The following PPP1R37 variants were observed in gnomAD, a reference collection of about 807,000 sequenced individuals.
The protein encoded by PPP1R37 is leucine rich repeat containing 68.
In PPP1R37, 21 loss-of-function variants were observed where a neutral mutation model predicts 61.0. That is an observed-to-expected ratio of 0.34 (90% confidence interval 0.24 to 0.50). PPP1R37 has a LOEUF of 0.50. Among genes scored for constraint, PPP1R37 ranks in the 20% least tolerant of loss-of-function variants. The pLI is 0.98. For missense variants in PPP1R37, 910 were observed against 952.7 expected (o/e 0.96, Z 0.59); for synonymous variants, 443 against 433.5 (o/e 1.02, Z -0.27).
chr19:45,096,541 TTTTG>T (rs960185446), intron 1 of PPP1R37, among the ~76,000 whole-genome samples: 13 of 152,282 alleles, frequency 8.5e-5, no homozygotes, highest in South Asian at 2.1e-4. Context: ...CAGATTTGTT[TTTTG>T]TTTGTTTGTT....
chr19:45,139,343 C>T (rs1028180312), intron 2 of PPP1R37, among the ~76,000 whole-genome samples: 2 of 152,386 alleles, frequency 1.3e-5, no homozygotes, highest in Non-Finnish European at 1.5e-5. Flanking sequence ...CTCGGGAACC[C>T]CCGTTGTTGG....
Position 45,144,834 on chromosome 19 carries a change from C to G in PPP1R37, c.988-20C>G. 1 of 1,520,242 alleles carries G rather than the reference C, an allele frequency of 6.6e-7. No individual in the cohort carries two copies. Among genetic ancestry groups the G allele is most frequent in the Non-Finnish European group, 8.8e-7 (1 of 1,136,664 alleles). 94.2% of individuals were successfully genotyped at this position (1,520,242 alleles called of 1,614,324 possible). A position where few individuals can be genotyped will look rare whatever the true frequency, so the allele number is the denominator to read the frequency against. On this transcript the variant is annotated intron_variant, in intron 8 of 12. Transcript: ENST00000221462. ...CCGCCATCACGGCCTCCTCCTCACC[C>G]TCACACCCCCTCCCTCCAGCCGCAC...
intron 2 of PPP1R37, among the ~76,000 whole-genome samples, chr19:45,139,507 G>A (rs1968582176): frequency 6.6e-6 from 1 of 152,150 alleles, no homozygotes; most frequent in African/African-American, 2.4e-5. Context: ...CGCCTAGTCA[G>A]TGAAGCACCG....
In PPP1R37 at chr19:45,145,084, G is replaced by C. The variant is rs762197556; in HGVS notation, c.1130-10G>C. The C allele has an allele frequency of 2.0e-5, 30 of 1,531,268 alleles. No homozygotes were observed. In the African/African-American group the frequency reaches 2.2e-4, roughly 11 times the overall value. 94.9% of individuals were successfully genotyped at this position (1,531,268 alleles called of 1,614,324 possible). On this transcript the variant is annotated splice_polypyrimidine_tract_variant and intron_variant, in intron 9 of 12. Transcript: ENST00000221462. ...GGGGCCCGTGGCCAGCCCCTGCGGT[G>C]CCCCCCCAGGCGCGGTGGCGGTGGC...
In PPP1R37 at chr19:45,121,648, C is replaced by G. The variant is rs1050638345; in HGVS notation, c.203-16866C>G. ...TGTGGGCAGCTGTGTGCAGTGTATA[C>G]AGGGAGTCCAGGGGCTGGTGTGAGC... On this transcript the variant is annotated intron_variant, in intron 1 of 12. Coordinates refer to ENST00000221462, the MANE Select transcript of PPP1R37 (RefSeq NM_019121.2). This position sits in a 1 kb window ranked among gnomAD's most constrained non-coding sequence, Gnocchi z 4.2. 6.6e-6 allele frequency among the ~76,000 whole-genome samples: 1 copy of G among 152,214 alleles called. No homozygotes were observed. The highest frequency in any genetic ancestry group is 2.1e-4 in the South Asian group (1 of 4,836).
At chr19:45,141,512 T>C in intron 5 of PPP1R37, 71 bp downstream of exon 5, 2 of 1,484,814 alleles carry the variant, frequency 1.3e-6, no homozygotes, top group South Asian at 1.3e-5. Flanking sequence ...TCTCAGGGCA[T>C]GGCCCGTAGG....
rs1287626766 is a variant in PPP1R37, at chr19:45,141,925, C to T, written c.568-136C>T. 4.0e-6 allele frequency: 4 copies of T among 987,856 alleles called. No individual in the cohort carries two copies. In the East Asian group the frequency reaches 8.3e-5, roughly 21 times the overall value. 61.2% of individuals were successfully genotyped at this position (987,856 alleles called of 1,614,324 possible). On this transcript the variant is annotated intron_variant, in intron 5 of 12. Transcript: ENST00000221462. ...AAAACAAGGCGACATAGCCAGACGACAGCTGTGGCTTCGTTGCTCATTGAG... is the reference window on the plus strand; with the variant it reads ...AAAACAAGGCGACATAGCCAGACGATAGCTGTGGCTTCGTTGCTCATTGAG...
At chr19:45,109,638 C>T (rs1172606170) in intron 1 of PPP1R37, among the ~76,000 whole-genome samples, 1 of 152,202 alleles carries the variant, frequency 6.6e-6, no homozygotes, top group Non-Finnish European at 1.5e-5. Flanking sequence ...GCCTGGGTCC[C>T]TGGACACATC....
In PPP1R37 at chr19:45,141,325, G is replaced by T; in HGVS notation, c.451G>T (p.Ala151Ser). The change falls in exon 5 of 13, where the codon GCC (alanine) becomes TCC (serine). Residue 151 changes from alanine to serine, a missense_variant. Around this residue, in one of 3 missense-constraint regions of PPP1R37, gnomAD observed 280 missense variants for 382.2 expected, o/e 0.73. Transcript: ENST00000221462. ...LEQTNLDEDG[A>S]SALFDMIEYY... ...GCCCCCGAATCTCTATGCGCAGGGT[G>T]CCTCGGCCCTCTTCGACATGATCGA... 6.5e-7 allele frequency: 1 copy of T among 1,535,380 alleles called. No individual in the cohort carries two copies. The highest frequency in any genetic ancestry group is 2.4e-5 in the East Asian group (1 of 40,886).
chr19:45,109,059 AC>A (rs1224669441), intron 1 of PPP1R37: 5 of 152,296 alleles, frequency 3.3e-5, no homozygotes, highest in African/African-American at 1.2e-4. Flanking sequence ...GGCATGAGCC[AC>A]TGCGCCCGAC....
chr19:45,102,697 A>G (rs1001242726), intron 1 of PPP1R37, among the ~76,000 whole-genome samples: 1 of 152,184 alleles, frequency 6.6e-6, no homozygotes, highest in Non-Finnish European at 1.5e-5. Context: ...ACCTCCCTGG[A>G]CCACTTTCCC....
At chr19:45,127,974 C>CAAAAAA (rs35001139) in intron 1 of PPP1R37, among the ~76,000 whole-genome samples, 4 of 61,856 alleles carry the variant, frequency 6.5e-5, no homozygotes, top group Admixed American at 1.8e-4. Context: ...GACTCCATCT[C>CAAAAAA]AAAAAAAAAA....
rs1002956902 is a variant in PPP1R37 at position 45,146,030 on chromosome 19, C to T, written c.1974C>T (p.Gly658=). ...EPPPGPEVKG[G]SCGLEHELSC... is the part of the protein sequence containing the mutation. ...CCCCGGGGCCTGAGGTCAAGGGGGG[C>T]AGCTGCGGCCTGGAGCACGGTGAGA... The change falls in exon 11 of 13, where the codon GGC becomes GGT. Residue 658 remains glycine (G), a synonymous_variant. Transcript: ENST00000221462. 9.1e-6 allele frequency: 14 copies of T among 1,530,532 alleles called. No homozygotes were observed. In the African/African-American group the frequency reaches 1.5e-4, roughly 16 times the overall value. The allele number at this position is 1,530,532 out of a possible 1,614,324, so 94.8% of individuals were successfully genotyped here. A position where few individuals can be genotyped will look rare whatever the true frequency, so the allele number is the denominator to read the frequency against.
chr19:45,111,382 C>T (rs1286753609), intron 1 of PPP1R37, among the ~76,000 whole-genome samples: 1 of 152,142 alleles, frequency 6.6e-6, no homozygotes, highest in African/African-American at 2.4e-5. Flanking sequence ...TCAAGCAATT[C>T]TCCAGCCACA....
chr19:45,103,675 C>T (rs895279832), intron 1 of PPP1R37, among the ~76,000 whole-genome samples: 4 of 152,120 alleles, frequency 2.6e-5, no homozygotes, highest in African/African-American at 9.7e-5. Flanking sequence ...AAGCGAGCCG[C>T]AGGGAAGTGA....
chr19:45,106,564 C>G (rs1342664118), intron 1 of PPP1R37, among the ~76,000 whole-genome samples: 2 of 151,278 alleles, frequency 1.3e-5, no homozygotes, highest in East Asian at 3.9e-4. Flanking sequence ...GAGATGAGGT[C>G]TTCCTCTGTC....
chr19:45,145,329 C>G (rs750099102), intron 10 of PPP1R37, 24 bp from the exon 11 acceptor site: 1 of 1,528,518 alleles, frequency 6.5e-7, no homozygotes, highest in South Asian at 1.2e-5. Flanking sequence ...GCCTGAGAGC[C>G]CTAGCCAGGC....
intron 8 of PPP1R37, 28 bp downstream of exon 8, chr19:45,143,661 C>A: frequency 7.2e-7 from 1 of 1,381,824 alleles, no homozygotes. Flanking sequence ...GGAAGGGAGG[C>A]ACCTCGGTCC....
At chr19:45,100,660 C>G (rs1322032295) in intron 1 of PPP1R37, among the ~76,000 whole-genome samples, 1 of 152,198 alleles carries the variant, frequency 6.6e-6, no homozygotes, top group Non-Finnish European at 1.5e-5. Flanking sequence ...TGGACGCATT[C>G]GGTGCAACGT....
Sources: allele counts gnomAD v4.1 joint callset (sites outside exome capture counted in the v4.1 genomes callset), GRCh38; gene constraint gnomAD v4.1.1; regional missense constraint gnomAD v4.1.1; non-coding constraint Gnocchi (gnomAD v3.1); transcripts MANE v1.5; gene names NCBI Gene and HGNC (gene_info 2026-07-23, HGNC 2026-07-21).